The following C12orf56 variants were observed in gnomAD, a reference collection of about 807,000 sequenced individuals.
C12orf56 encodes the protein chromosome 12 open reading frame 56, also known as uncharacterized protein C12orf56.
A neutral mutation model predicts 69.9 loss-of-function variants in C12orf56; 71 were observed. The observed-to-expected ratio is 1.02, with a 90% CI of 0.84 to 1.24. The LOEUF is 1.24. Among genes scored for constraint, C12orf56 ranks in the 50% most tolerant of loss-of-function variants. The probability of loss-of-function intolerance (pLI) is 0.00; values close to 1 mark genes in which losing one functional copy is unlikely to be tolerated. For missense variants in C12orf56, 732 were observed against 738.5 expected, an observed-to-expected ratio of 0.99 and a Z score of 0.10; for synonymous variants, 276 against 274.1, an observed-to-expected ratio of 1.01 and a Z score of -0.07.
intron 3 of C12orf56, among the ~76,000 whole-genome samples, chr12:64,322,413 T>C (rs887389769): frequency 5.6e-5 from 8 of 143,772 alleles, no homozygotes; most frequent in African/African-American, 2.1e-4. Flanking sequence ...AAACTTTCCA[T>C]TTGGTCCCTT....
At chr12:64,308,940 G>GAAAGAAAGAAAGAAGAAAGAAAGAAAGA (rs35488127) in intron 5 of C12orf56, among the ~76,000 whole-genome samples, 143 of 80,784 alleles carry the variant, frequency 1.8e-3, no homozygotes, top group South Asian at 2.8e-3. Flanking sequence ...AAGAAAGAAA[G>GAAAGAAAGAAAGAAGAAAGAAAGAAAGA]AAGAAAGAAA....
At chr12:64,300,351 G>A (rs1399229396) in intron 6 of C12orf56, among the ~76,000 whole-genome samples, 1 of 151,978 alleles carries the variant, frequency 6.6e-6, no homozygotes, top group Non-Finnish European at 1.5e-5. Context: ...TTGTTCCACA[G>A]CCTAGGCCAC....
At position 64,277,588 on chromosome 12, in the gene C12orf56, C is replaced by G. The variant is rs569724324; in HGVS notation, c.1434+92G>C. ...TACTCTTTGGTTTAATTATGTTTCT[C>G]TATTCTACGGTGTCATGGTCCACAT... On this transcript the variant is annotated intron_variant, in intron 9 of 12. Transcript: ENST00000543942. 74 of 838,308 alleles carry G rather than the reference C, an allele frequency of 8.8e-5. 2 individuals carry two copies. In the African/African-American group the frequency reaches 8.9e-4, roughly 10 times the overall value. 51.9% of individuals were successfully genotyped at this position (838,308 alleles called of 1,614,324 possible).
At chr12:64,372,705 A>G (rs1407399729) in intron 1 of C12orf56, among the ~76,000 whole-genome samples, 21 of 151,974 alleles carry the variant, frequency 1.4e-4, no homozygotes, top group Admixed American at 1.4e-3. Context: ...GTAGAGACGA[A>G]GTTTCACCAT....
Position 64,338,384 on chromosome 12 carries a change from A to G in C12orf56, c.416-7352T>C, listed in dbSNP as rs981053696. On this transcript the variant is annotated intron_variant, in intron 2 of 12. Coordinates refer to ENST00000543942, the MANE Select transcript of C12orf56 (RefSeq NM_001170633.2). ...ATATATAATGGGGACCTCCTGGTCA[A>G]TTTGGACATCAACATCGTTTTTGGT... 4.6e-5 allele frequency: 32 copies of G among 689,514 alleles called. 1 individual carries two copies. The highest frequency in any genetic ancestry group is 1.1e-4 in the African/African-American group (6 of 56,904). 42.7% of individuals were successfully genotyped at this position (689,514 alleles called of 1,614,324 possible). A position where few individuals can be genotyped will look rare whatever the true frequency, so the allele number is the denominator to read the frequency against.
At chr12:64,287,259 AAAAAG>A (rs58242111) in intron 6 of C12orf56, among the ~76,000 whole-genome samples, 19,598 of 90,458 alleles carry the variant, frequency 0.22, 1,124 homozygotes, top group Admixed American at 0.26. Context: ...AAAAAAAAAA[AAAAAG>A]AAGAAGAAGA....
intron 2 of C12orf56, among the ~76,000 whole-genome samples, chr12:64,343,102 C>T (rs1592470632): frequency 6.6e-6 from 1 of 152,302 alleles, no homozygotes; most frequent in Non-Finnish European, 1.5e-5. Context: ...GCCCACTAGG[C>T]ATTGTGGCTC....
chr12:64,293,384 A>G (rs1172941132), intron 6 of C12orf56: 1 of 152,796 alleles, frequency 6.5e-6, no homozygotes, highest in Non-Finnish European at 1.5e-5. Context: ...CCCCTGTGGC[A>G]GTTTTACAAA....
chr12:64,345,494 GT>G (rs1349412087), intron 2 of C12orf56, among the ~76,000 whole-genome samples: 1 of 152,166 alleles, frequency 6.6e-6, no homozygotes, highest in African/African-American at 2.4e-5. Flanking sequence ...CCCATTCCAA[GT>G]TGCAGGGTCC....
chr12:64,315,309 T>G (rs1196844521), intron 4 of C12orf56, among the ~76,000 whole-genome samples: 3 of 45,938 alleles, frequency 6.5e-5, no homozygotes, highest in Non-Finnish European at 1.3e-4. Flanking sequence ...GTTCTACGTT[T>G]TTTTTTTTTT....
intron 6 of C12orf56, among the ~76,000 whole-genome samples, chr12:64,287,034 C>T (rs570378357): frequency 6.6e-6 from 1 of 151,930 alleles, no homozygotes; most frequent in Non-Finnish European, 1.5e-5. Context: ...GTCAGGAGTT[C>T]GAAATCAGCC....
intron 2 of C12orf56, among the ~76,000 whole-genome samples, chr12:64,343,554 G>A (rs968322787): frequency 1.3e-5 from 2 of 152,146 alleles, no homozygotes; most frequent in Non-Finnish European, 1.5e-5. Flanking sequence ...TGCATACCAG[G>A]TACCAGGAGA....
intron 2 of C12orf56, among the ~76,000 whole-genome samples, chr12:64,350,703 A>G (rs1284582409): frequency 6.6e-6 from 1 of 152,200 alleles, no homozygotes; most frequent in Non-Finnish European, 1.5e-5. Context: ...TTGAGAGTAA[A>G]AGCCCCTGGC....
At chr12:64,382,316 A>G (rs901304974) in intron 1 of C12orf56, among the ~76,000 whole-genome samples, 2 of 151,900 alleles carry the variant, frequency 1.3e-5, no homozygotes, top group African/African-American at 4.8e-5. Flanking sequence ...AACACCTAAT[A>G]CATAATCAGT....
chr12:64,374,115 T>C (rs929755894), intron 1 of C12orf56, among the ~76,000 whole-genome samples: 1 of 152,182 alleles, frequency 6.6e-6, no homozygotes, highest in Non-Finnish European at 1.5e-5. Context: ...TTAGAATCTA[T>C]GAATATTGCT....
chr12:64,289,788 C>T (rs2038264607), intron 6 of C12orf56, among the ~76,000 whole-genome samples: 2 of 49,644 alleles, frequency 4.0e-5, no homozygotes, highest in African/African-American at 9.8e-5. Flanking sequence ...CAATGTTCAT[C>T]AAGGATAGTG....
intron 6 of C12orf56, among the ~76,000 whole-genome samples, chr12:64,286,404 C>T (rs530155955): frequency 1.4e-4 from 21 of 152,240 alleles, no homozygotes; most frequent in Non-Finnish European, 2.6e-4. Context: ...ATAATTTCTG[C>T]CTTTCCAAAG....
At chr12:64,377,671 T>G (rs1323930466) in intron 1 of C12orf56, among the ~76,000 whole-genome samples, 2 of 152,188 alleles carry the variant, frequency 1.3e-5, no homozygotes, top group African/African-American at 4.8e-5. Context: ...AGCTTTTAAT[T>G]TCAGAGAAAA....
intron 2 of C12orf56, among the ~76,000 whole-genome samples, chr12:64,331,719 G>C (rs1414436247): frequency 1.3e-5 from 2 of 152,092 alleles, no homozygotes; most frequent in African/African-American, 4.8e-5. Context: ...GCAGAGGGCA[G>C]CCCTCACCAG....
Sources: allele counts gnomAD v4.1 joint callset (sites outside exome capture counted in the v4.1 genomes callset), GRCh38; gene constraint gnomAD v4.1.1; transcripts MANE v1.5; gene names NCBI Gene and HGNC (gene_info 2026-07-23, HGNC 2026-07-21).